The following NCOA1 variants were observed in gnomAD, a reference collection of about 807,000 sequenced individuals.
The protein encoded by NCOA1 is nuclear receptor coactivator 1.
In NCOA1, 35 loss-of-function variants were observed where a neutral mutation model predicts 150.9. The ratio of observed to expected loss-of-function variants is 0.23; its 90% CI spans 0.18 to 0.31. The LOEUF is 0.31. Among genes scored for constraint, NCOA1 ranks in the 10% least tolerant of loss-of-function variants. The pLI is 1.00. For missense variants in NCOA1, 1,491 were observed against 1,749.3 expected, an observed-to-expected ratio of 0.85 and a Z score of 2.63; for synonymous variants, 590 against 630.0, an observed-to-expected ratio of 0.94 and a Z score of 0.95.
intron 4 of NCOA1, among the ~76,000 whole-genome samples, chr2:24,655,486 A>G (rs1351764155): frequency 6.6e-6 from 1 of 152,218 alleles, no homozygotes; most frequent in Non-Finnish European, 1.5e-5. Context: ...ACCAGATCCT[A>G]TAATAGACTC....
At chr2:24,601,214 G>T (rs1422789032) in intron 3 of NCOA1, among the ~76,000 whole-genome samples, 1 of 151,310 alleles carries the variant, frequency 6.6e-6, no homozygotes, top group Non-Finnish European at 1.5e-5. Context: ...AACATCTTCT[G>T]TTTTTTTTGT....
chr2:24,737,703 A>G (rs1363444442), intron 17 of NCOA1, among the ~76,000 whole-genome samples: 1 of 152,116 alleles, frequency 6.6e-6, no homozygotes, highest in Non-Finnish European at 1.5e-5. Flanking sequence ...CCTAGACTGA[A>G]TGAGTTGCTC....
At chr2:24,609,828 C>A (rs985975476) in intron 3 of NCOA1, among the ~76,000 whole-genome samples, 1 of 151,748 alleles carries the variant, frequency 6.6e-6, no homozygotes, top group African/African-American at 2.4e-5. Context: ...GGAATACATT[C>A]TCTGAGTATT....
chr2:24,698,291 A>T (rs533837428), intron 11 of NCOA1, among the ~76,000 whole-genome samples: 2 of 152,276 alleles, frequency 1.3e-5, no homozygotes, highest in Admixed American at 6.5e-5. Flanking sequence ...GCTCTTGAAG[A>T]TCATTCTCAG....
At chr2:24,733,465 C>T (rs1172834028) in intron 17 of NCOA1, among the ~76,000 whole-genome samples, 2 of 152,150 alleles carry the variant, frequency 1.3e-5, no homozygotes, top group Non-Finnish European at 2.9e-5. Context: ...AGAATCTGGC[C>T]GGGCACAGTG....
intron 7 of NCOA1, among the ~76,000 whole-genome samples, chr2:24,681,702 A>C (rs1572584333): frequency 6.7e-6 from 1 of 148,206 alleles, no homozygotes; most frequent in Admixed American, 6.8e-5. Context: ...CAAACTTGGT[A>C]CCCTGGCCTT....
chr2:24,595,826 A>G (rs1035090516), intron 3 of NCOA1, among the ~76,000 whole-genome samples: 39 of 152,138 alleles, frequency 2.6e-4, no homozygotes, highest in Admixed American at 2.2e-3. Context: ...TATGGGCACA[A>G]TAGAGATCTC....
chr2:24,524,112 T>C (rs1033078404), intron 1 of NCOA1, among the ~76,000 whole-genome samples: 5 of 152,082 alleles, frequency 3.3e-5, no homozygotes, highest in Admixed American at 6.6e-5. Context: ...TGTCTGATGA[T>C]TTTTAAATTT....
At position 24,562,564 on chromosome 2, in the gene NCOA1, A is replaced by C. The variant is rs1666331416; in HGVS notation, c.-395-1731A>C. On this transcript the variant is annotated intron_variant, in intron 1 of 22. Transcript: ENST00000348332. ...GAGGTAGAGTGGCAAAAGTTTGGGA[A>C]AAAAGGCAGTGTCAATTATGGGAGA... 2.0e-5 allele frequency among the ~76,000 whole-genome samples: 3 copies of C among 152,198 alleles called. No individual in the cohort carries two copies. In the South Asian group the frequency reaches 6.2e-4, roughly 32 times the overall value.
intron 21 of NCOA1, among the ~76,000 whole-genome samples, chr2:24,761,020 A>T (rs1425894685): frequency 1.3e-5 from 2 of 151,720 alleles, no homozygotes; most frequent in Non-Finnish European, 2.9e-5. Flanking sequence ...GCTAATTTTT[A>T]TGTTTTTAGT....
chr2:24,699,908 G>T (rs1270697138), intron 11 of NCOA1, among the ~76,000 whole-genome samples: 3 of 152,168 alleles, frequency 2.0e-5, no homozygotes, highest in African/African-American at 7.2e-5. Flanking sequence ...ACTTTGGGAG[G>T]CCGAGGCAGG....
At chr2:24,641,006 T>C (rs1486860470) in intron 3 of NCOA1, among the ~76,000 whole-genome samples, 1 of 152,056 alleles carries the variant, frequency 6.6e-6, no homozygotes, top group Non-Finnish European at 1.5e-5. Context: ...TTGCCTTCTT[T>C]CGGGTTAACC....
chr2:24,629,317 C>T lies in NCOA1; in HGVS notation c.-174-14649C>T, dbSNP rs1019379923. Among the ~76,000 whole-genome samples the T allele has an allele frequency of 2.0e-5, 3 of 151,888 alleles. No individual in the cohort carries two copies. The East Asian group carries it at 5.8e-4, about 29-fold the overall frequency. ...TCTGTTTAACATAAATATAATGGTG[C>T]GTGTAAGAGTCATGAATATTTTAGA... On this transcript the variant is annotated intron_variant, in intron 3 of 22. Coordinates refer to ENST00000348332, the MANE Select transcript of NCOA1 (RefSeq NM_003743.5).
intron 20 of NCOA1, among the ~76,000 whole-genome samples, chr2:24,753,250 T>A (rs1278858938): frequency 6.6e-6 from 1 of 152,186 alleles, no homozygotes; most frequent in African/African-American, 2.4e-5. Context: ...TTACAGGTAC[T>A]CTGACTCCCT....
intron 22 of NCOA1, among the ~76,000 whole-genome samples, chr2:24,763,366 TG>T (rs1308066965): frequency 6.6e-6 from 1 of 151,654 alleles, no homozygotes; most frequent in Non-Finnish European, 1.5e-5. Context: ...GGTGAAACCC[TG>T]TCTCTACTAA....
At chr2:24,666,009 TTA>T (rs1572563005) in intron 6 of NCOA1, 94 bp downstream of exon 6, 2 of 678,690 alleles carry the variant, frequency 2.9e-6, no homozygotes, top group Non-Finnish European at 3.8e-6. Context: ...TATTATTATT[TTA>T]TTATTATTAT....
chr2:24,707,223 A>G lies in NCOA1; in HGVS notation c.1753A>G (p.Asn585Asp), dbSNP rs1673492797. Reference protein sequence around the residue: ...IQPAKAESKDNKEIASILNEM... With the variant: ...IQPAKAESKDDKEIASILNEM... ...ACCAGCAAAAGCTGAGTCCAAAGATAACAAAGAGATTGCCTCAATTTTAAA... is the reference window on the plus strand; with the variant it reads ...ACCAGCAAAAGCTGAGTCCAAAGATGACAAAGAGATTGCCTCAATTTTAAA... The change falls in exon 13 of 23, where the codon AAC (asparagine) becomes GAC (aspartate). Residue 585 changes from asparagine (N) to aspartate (D), a missense_variant. This residue lies in a region of NCOA1 where 703 missense variants were observed against 717.7 expected (regional missense o/e 0.98). Transcript: ENST00000348332. The G allele has an allele frequency of 6.2e-7, 1 of 1,614,218 alleles. No homozygotes were observed. The highest frequency in any genetic ancestry group is 8.5e-7 in the Non-Finnish European group (1 of 1,180,032).
intron 3 of NCOA1, among the ~76,000 whole-genome samples, chr2:24,618,900 T>A (rs1298772109): frequency 2.0e-5 from 3 of 152,180 alleles, no homozygotes; most frequent in Non-Finnish European, 4.4e-5. Flanking sequence ...ACTTGCAGAT[T>A]TTTCTTGCTT....
At chr2:24,716,785 G>A (rs1267601290) in intron 14 of NCOA1, among the ~76,000 whole-genome samples, 2 of 152,122 alleles carry the variant, frequency 1.3e-5, no homozygotes, top group African/African-American at 4.8e-5. Context: ...GAAATCACTA[G>A]GCTAAACCCA....
Sources: gnomAD v4.1 joint callset for allele counts (sites outside exome capture counted in the v4.1 genomes callset) on GRCh38, gnomAD v4.1.1 for gene constraint, gnomAD v4.1.1 regional missense constraint, MANE v1.5 for transcripts, NCBI Gene and HGNC (gene_info 2026-07-23, HGNC 2026-07-21) for gene names.